Variants in AAK1 observed in about 807,000 individuals in gnomAD.
AAK1 encodes the protein AP2 associated kinase 1.
A neutral mutation model predicts 116.0 loss-of-function variants in AAK1; 37 were observed. The observed-to-expected ratio is 0.32, with a 90% CI of 0.25 to 0.42. The LOEUF (loss-of-function observed/expected upper bound fraction) is 0.42, where lower values mean the gene tolerates loss of function less well. Ranked by LOEUF, AAK1 falls within the 10% of genes least tolerant of loss-of-function variation. The pLI, the probability that AAK1 is intolerant of heterozygous loss-of-function variation, is 1.00. For missense variants in AAK1, 919 were observed against 1,170.6 expected, an observed-to-expected ratio of 0.79 and a Z score of 3.14; for synonymous variants, 458 against 439.9, an observed-to-expected ratio of 1.04 and a Z score of -0.51.
In AAK1 at chr2:69,472,431, ATAACTT is replaced by A; in HGVS notation, c.*3432_*3437del. 1 of 305,846 alleles carries A rather than the reference ATAACTT, an allele frequency of 3.3e-6. No homozygotes were observed. Among genetic ancestry groups the A allele is most frequent in the Non-Finnish European group, 4.8e-6 (1 of 208,926 alleles). The allele number at this position is 305,846 out of a possible 1,614,324, so 18.9% of individuals were successfully genotyped here. A position where few individuals can be genotyped will look rare whatever the true frequency, so the allele number is the denominator to read the frequency against. ...ATTTCTAAGGAGAGGAGTTTCAAAA[ATAACTT>A]TAAGGATGGCAGCATCATTAGAATA... On this transcript the variant is annotated 3_prime_UTR_variant, in exon 22 of 22. Coordinates refer to ENST00000409085, the MANE Select transcript of AAK1 (RefSeq NM_014911.5).
chr2:69,494,227 C>A (rs1372257614), intron 17 of AAK1, among the ~76,000 whole-genome samples: 8 of 152,058 alleles, frequency 5.3e-5, no homozygotes, highest in Admixed American at 5.2e-4. Flanking sequence ...CAGCAGGAAT[C>A]CACCAGGATG....
At chr2:69,531,617 A>G in intron 6 of AAK1, 1 of 989,014 alleles carries the variant, frequency 1.0e-6, no homozygotes, top group Non-Finnish European at 1.2e-6. Context: ...TTCCACTTAG[A>G]TCGCCTTATG....
chr2:69,560,224 T>G (rs1000146317), intron 2 of AAK1, among the ~76,000 whole-genome samples: 9 of 152,196 alleles, frequency 5.9e-5, no homozygotes, highest in Non-Finnish European at 1.2e-4. Context: ...AGATGTAAAC[T>G]AGGTTAGAAG....
chr2:69,579,738 A>T (rs764230847), intron 2 of AAK1, among the ~76,000 whole-genome samples: 2 of 152,132 alleles, frequency 1.3e-5, no homozygotes, highest in Non-Finnish European at 2.9e-5. Flanking sequence ...GTGTTTCCTC[A>T]GCGTTCAGTC....
At chr2:69,632,022 A>AT (rs1675206606) in intron 2 of AAK1, among the ~76,000 whole-genome samples, 1 of 152,170 alleles carries the variant, frequency 6.6e-6, no homozygotes, top group South Asian at 2.1e-4. Flanking sequence ...TAGATCAATA[A>AT]TAATAAAAAC....
chr2:69,550,007 T>C lies in AAK1; in HGVS notation c.283-5463A>G, dbSNP rs146761501. Among the ~76,000 whole-genome samples the C allele has an allele frequency of 1.0e-3, 155 of 152,366 alleles. 1 individual carries two copies. The highest frequency in any genetic ancestry group is 3.7e-3 in the African/African-American group (152 of 41,580). On this transcript the variant is annotated intron_variant, in intron 3 of 21. Transcript: ENST00000409085. ...ACATAAAATTAATGGTAAGCCACAA[T>C]GCTTTCTTTTTAGAAAGTTTCCTCC...
chr2:69,577,409 G>A (rs13413616), intron 2 of AAK1, among the ~76,000 whole-genome samples: 6,848 of 152,154 alleles, frequency 0.045, 411 homozygotes, highest in East Asian at 0.16. Context: ...GTACTTAAGA[G>A]GGGGCAGGGT....
intron 12 of AAK1, among the ~76,000 whole-genome samples, chr2:69,518,441 C>T (rs532750442): frequency 3.6e-4 from 48 of 133,560 alleles, no homozygotes; most frequent in Non-Finnish European, 6.7e-4. Flanking sequence ...TTTTTTGAGA[C>T]AGAGTCTTGC....
chr2:69,525,835 C>T (rs554959061), intron 9 of AAK1, among the ~76,000 whole-genome samples: 22 of 152,102 alleles, frequency 1.4e-4, no homozygotes, highest in African/African-American at 4.8e-4. Flanking sequence ...AATGCTTCCA[C>T]TTAGATTTCA....
At chr2:69,489,931 C>T (rs938849015) in intron 17 of AAK1, among the ~76,000 whole-genome samples, 5 of 152,048 alleles carry the variant, frequency 3.3e-5, no homozygotes, top group African/African-American at 1.2e-4. Context: ...CTCAGTATCA[C>T]GAGACAGCAG....
In AAK1 at chr2:69,466,983, T is replaced by G. The variant is rs1465954034; in HGVS notation, c.*8886A>C. 1.0e-6 allele frequency: 1 copy of G among 985,344 alleles called. No homozygotes were observed. The highest frequency in any genetic ancestry group is 1.2e-6 in the Non-Finnish European group (1 of 829,946). The allele number at this position is 985,344 out of a possible 1,614,324, so 61.0% of individuals were successfully genotyped here. On this transcript the variant is annotated 3_prime_UTR_variant, in exon 22 of 22. Coordinates refer to ENST00000409085, the MANE Select transcript of AAK1 (RefSeq NM_014911.5). The stretch of plus-strand genomic sequence containing the variant: ...GGATGACTCAATTCAGAATCTGGCA[T>G]GTGGTCATCCGCGCCACATGCAGAG...
At position 69,478,867 on chromosome 2, in the gene AAK1, T is replaced by C. The variant is rs13034378; in HGVS notation, c.2680+84A>G. 9,206 of 1,171,840 alleles carry C rather than the reference T, an allele frequency of 7.9e-3. 51 individuals carry two copies. Among genetic ancestry groups the C allele is most frequent in the Non-Finnish European group, 0.011 (8,505 of 789,280 alleles). The allele number at this position is 1,171,840 out of a possible 1,614,324, so 72.6% of individuals were successfully genotyped here. On this transcript the variant is annotated intron_variant, in intron 20 of 21. Transcript: ENST00000409085. The stretch of plus-strand genomic sequence containing the variant: ...GTTTTAAAACTTCACTAGTAAAGAC[T>C]TTTGATAAGAAAAACTTTCAAAAGT...
intron 2 of AAK1, among the ~76,000 whole-genome samples, chr2:69,601,530 G>C (rs1673579732): frequency 6.6e-6 from 1 of 152,216 alleles, no homozygotes; most frequent in Admixed American, 6.5e-5. Context: ...AGAATAAACT[G>C]GGTGGACCCA....
intron 12 of AAK1, among the ~76,000 whole-genome samples, chr2:69,517,496 G>T (rs992465945): frequency 2.0e-5 from 3 of 151,528 alleles, no homozygotes; most frequent in African/African-American, 7.3e-5. Context: ...TTTGGGAAAC[G>T]CAGTCTTCAG....
chr2:69,540,929 AT>A (rs753188216), intron 5 of AAK1, among the ~76,000 whole-genome samples: 21 of 152,376 alleles, frequency 1.4e-4, no homozygotes, highest in Non-Finnish European at 3.1e-4. Flanking sequence ...AACTATGAAA[AT>A]GAAGTACTGA....
At chr2:69,479,315 C>G (rs1256189170) in intron 19 of AAK1, among the ~76,000 whole-genome samples, 1 of 152,070 alleles carries the variant, frequency 6.6e-6, no homozygotes, top group Non-Finnish European at 1.5e-5. Context: ...AGAATGAAAA[C>G]CAAAAGAAAT....
intron 2 of AAK1, among the ~76,000 whole-genome samples, chr2:69,612,209 G>GA (rs373371777): frequency 1.3e-5 from 2 of 151,890 alleles, no homozygotes; most frequent in Admixed American, 6.6e-5. Context: ...CTGTTAGAGA[G>GA]AAAAAAAATA....
chr2:69,569,197 T>C lies in AAK1; in HGVS notation c.164-12219A>G, dbSNP rs149069983. ...GTCCAAATTCCTTAATGCAGCAGAA[T>C]ATAAGAGCCTTTATACGTTTCCCCA... On this transcript the variant is annotated intron_variant, in intron 2 of 21. Transcript: ENST00000409085. Among the ~76,000 whole-genome samples, 19 of 152,322 alleles carry C rather than the reference T, an allele frequency of 1.2e-4. No individual in the cohort carries two copies. The East Asian group carries it at 3.5e-3, about 28-fold the overall frequency.
chr2:69,499,590 GA>G (rs1445669319), intron 16 of AAK1, among the ~76,000 whole-genome samples: 5 of 152,052 alleles, frequency 3.3e-5, no homozygotes. Context: ...CTATTCTTTG[GA>G]AACCACTATT....
Sources: gnomAD v4.1 joint callset for allele counts (sites outside exome capture counted in the v4.1 genomes callset) on GRCh38, gnomAD v4.1.1 for gene constraint, MANE v1.5 for transcripts, NCBI Gene and HGNC (gene_info 2026-07-23, HGNC 2026-07-21) for gene names.